Variants in AGPAT3 observed in about 807,000 individuals in gnomAD.
AGPAT3 encodes the protein 1-acylglycerol-3-phosphate O-acyltransferase 3.
Under a neutral mutation model 47.3 loss-of-function variants are expected in AGPAT3, and 5 were observed. The ratio of observed to expected loss-of-function variants is 0.11; its 90% CI spans 0.06 to 0.22. AGPAT3 has a LOEUF of 0.22. Among genes scored for constraint, AGPAT3 ranks in the 10% least tolerant of loss-of-function variants. The probability of loss-of-function intolerance (pLI) is 1.00; values close to 1 mark genes in which losing one functional copy is unlikely to be tolerated. For missense variants in AGPAT3, 315 were observed against 493.0 expected, an observed-to-expected ratio of 0.64 and a Z score of 3.42; for synonymous variants, 212 against 208.3, an observed-to-expected ratio of 1.02 and a Z score of -0.15.
intron 1 of AGPAT3, among the ~76,000 whole-genome samples, chr21:43,897,558 G>A (rs1359327995): frequency 6.6e-6 from 1 of 151,602 alleles, no homozygotes; most frequent in Non-Finnish European, 1.5e-5. Context: ...GGGGGCGGCC[G>A]GGCAGAGGCG....
At chr21:43,957,768 C>T (rs1176148780) in intron 2 of AGPAT3, among the ~76,000 whole-genome samples, 3 of 149,808 alleles carry the variant, frequency 2.0e-5, no homozygotes, top group Admixed American at 6.6e-5. Context: ...ACGGGGGTCT[C>T]GGGTTTCCCC....
At chr21:43,904,200 ATATT>A (rs1221186581) in intron 2 of AGPAT3, among the ~76,000 whole-genome samples, 181 bp downstream of exon 2, 2 of 152,226 alleles carry the variant, frequency 1.3e-5, no homozygotes, top group African/African-American at 4.8e-5. Flanking sequence ...GACCAACAGA[ATATT>A]TATTACAGTC....
chr21:43,975,230 A>G (rs982383270), intron 7 of AGPAT3, among the ~76,000 whole-genome samples: 1 of 111,236 alleles, frequency 9.0e-6, no homozygotes, highest in Admixed American at 9.5e-5. Context: ...GGTGTGTGGT[A>G]ATGTTTTGGT....
At position 43,923,618 on chromosome 21, in the gene AGPAT3, G is replaced by A. The variant is rs570567863; in HGVS notation, c.-49+19599G>A. Among the ~76,000 whole-genome samples, 59 of 152,324 alleles carry A rather than the reference G, an allele frequency of 3.9e-4. 1 individual carries two copies. The South Asian group carries it at 0.012, about 31-fold the overall frequency. ...GGCTGGAAGCTGGGGTTCCCATGAT[G>A]CCCTCGAGTTTGAACATTTGCCAGG... On this transcript the variant is annotated intron_variant, in intron 2 of 9. Coordinates refer to ENST00000291572, the MANE Select transcript of AGPAT3 (RefSeq NM_020132.5).
chr21:43,890,258 G>A (rs2086073240), intron 1 of AGPAT3, among the ~76,000 whole-genome samples: 1 of 152,100 alleles, frequency 6.6e-6, no homozygotes, highest in African/African-American at 2.4e-5. Flanking sequence ...CTGCTGCTCT[G>A]GCCCTGTGAG....
chr21:43,975,267 TGTGTGCTGGC>T (rs1329399627), intron 7 of AGPAT3, among the ~76,000 whole-genome samples: 1 of 148,688 alleles, frequency 6.7e-6, no homozygotes, highest in Non-Finnish European at 1.5e-5. Flanking sequence ...TGTGTTCTGG[TGTGTGCTGGC>T]GTGTGGTATG....
chr21:43,896,439 G>A (rs920483224), intron 1 of AGPAT3, among the ~76,000 whole-genome samples: 7 of 151,998 alleles, frequency 4.6e-5, no homozygotes, highest in African/African-American at 7.2e-5. Flanking sequence ...ATTGTGTGTA[G>A]ATTGATTGAA....
chr21:43,898,003 C>T (rs893581521), intron 1 of AGPAT3, among the ~76,000 whole-genome samples: 12 of 152,264 alleles, frequency 7.9e-5, no homozygotes, highest in East Asian at 1.9e-4. Flanking sequence ...TGGCGGCGCG[C>T]GCCTGCAATC....
chr21:43,875,320 A>G (rs2085711039), intron 1 of AGPAT3, among the ~76,000 whole-genome samples: 1 of 152,200 alleles, frequency 6.6e-6, no homozygotes, highest in Non-Finnish European at 1.5e-5. Flanking sequence ...ATGTGGATTT[A>G]ATATAGTAGA....
intron 4 of AGPAT3, 149 bp from the exon 5 acceptor site, chr21:43,968,969 G>A: frequency 1.3e-6 from 1 of 765,578 alleles, no homozygotes; most frequent in Non-Finnish European, 2.0e-6. Flanking sequence ...CAGAAGCCGG[G>A]TCCTGCTTCA....
chr21:43,930,542 G>T lies in AGPAT3; in HGVS notation c.-49+26523G>T, dbSNP rs973013542. Among the ~76,000 whole-genome samples, 1 of 151,988 alleles carries T rather than the reference G, an allele frequency of 6.6e-6. No homozygotes were observed. The highest frequency in any genetic ancestry group is 2.4e-5 in the African/African-American group (1 of 41,366). On this transcript the variant is annotated intron_variant, in intron 2 of 9. Coordinates refer to ENST00000291572, the MANE Select transcript of AGPAT3 (RefSeq NM_020132.5). This position sits in a 1 kb window ranked among gnomAD's most constrained non-coding sequence, Gnocchi z 5.0. ...GTTCTCTGGGCCTCTCTCAGACCTT[G>T]GGGACAGCAAGCTCTGCCCCGTGAA...
intron 3 of AGPAT3, chr21:43,967,126 G>C (rs549543054): frequency 6.6e-6 from 1 of 152,308 alleles, no homozygotes; most frequent in African/African-American, 2.4e-5. Context: ...CCTCCCAGGC[G>C]TGCAGGTCTC....
At position 43,934,855 on chromosome 21, in the gene AGPAT3, A is replaced by G. The variant is rs1212445715; in HGVS notation, c.-48-24779A>G. On this transcript the variant is annotated intron_variant, in intron 2 of 9. Transcript: ENST00000291572. This position sits in a 1 kb window ranked among gnomAD's most constrained non-coding sequence, Gnocchi z 4.7. ...ACGTCACCGACGCCACTCACATGCC[A>G]CTCACATGCCATTGACACGCCACCC... is the stretch of plus-strand genomic sequence containing the variant. Among the ~76,000 whole-genome samples, 3 of 139,146 alleles carry G rather than the reference A, an allele frequency of 2.2e-5. No homozygotes were observed. The highest frequency in any genetic ancestry group is 4.6e-5 in the Non-Finnish European group (3 of 65,228). 91.3% of individuals were successfully genotyped at this position (139,146 alleles called of 152,430 possible).
chr21:43,966,124 C>T (rs1458971872), intron 3 of AGPAT3: 1 of 152,262 alleles, frequency 6.6e-6, no homozygotes, highest in Non-Finnish European at 1.5e-5. Flanking sequence ...GTCCTGAGAT[C>T]CGCTGAAGGC....
chr21:43,898,658 C>G (rs1366414775), intron 1 of AGPAT3, among the ~76,000 whole-genome samples: 3 of 152,170 alleles, frequency 2.0e-5, no homozygotes, highest in Non-Finnish European at 2.9e-5. Flanking sequence ...TCCTGAGTAG[C>G]TGGGATTACA....
intron 3 of AGPAT3, among the ~76,000 whole-genome samples, chr21:43,964,475 C>T (rs370044292): frequency 6.6e-6 from 1 of 151,880 alleles, no homozygotes; most frequent in Non-Finnish European, 1.5e-5. Flanking sequence ...GGATTACAGG[C>T]GGGAGCGCCC....
chr21:43,912,182 C>T (rs773110183), intron 2 of AGPAT3, among the ~76,000 whole-genome samples: 60 of 152,368 alleles, frequency 3.9e-4, no homozygotes, highest in African/African-American at 1.3e-3. Flanking sequence ...CACGTGGGCC[C>T]GAGCTGGATG....
intron 2 of AGPAT3, among the ~76,000 whole-genome samples, chr21:43,923,749 G>A (rs937448402): frequency 6.6e-6 from 1 of 152,254 alleles, no homozygotes; most frequent in African/African-American, 2.4e-5. Flanking sequence ...TACAGAGTGA[G>A]GCCTGGGGGA....
chr21:43,881,611 C>A (rs935455016), intron 1 of AGPAT3, among the ~76,000 whole-genome samples: 1 of 152,048 alleles, frequency 6.6e-6, no homozygotes, highest in Non-Finnish European at 1.5e-5. Flanking sequence ...ATTGGTTACA[C>A]GTAGAAATGA....
Sources: gnomAD v4.1 joint callset for allele counts (sites outside exome capture counted in the v4.1 genomes callset) on GRCh38, gnomAD v4.1.1 for gene constraint, Gnocchi (gnomAD v3.1) non-coding constraint, MANE v1.5 for transcripts, NCBI Gene and HGNC (gene_info 2026-07-23, HGNC 2026-07-21) for gene names.